Variants in ZNF569 observed in about 807,000 individuals in gnomAD.
ZNF569 encodes zinc finger protein 569.
In ZNF569, 38 loss-of-function variants were observed where a neutral mutation model predicts 56.3. The observed-to-expected ratio is 0.68, with a 90% CI of 0.52 to 0.88. ZNF569 has a LOEUF of 0.88. Among genes scored for constraint, ZNF569 ranks in the 40% least tolerant of loss-of-function variants. The pLI, the probability that ZNF569 is intolerant of heterozygous loss-of-function variation, is 0.00. For missense variants in ZNF569, 666 were observed against 809.2 expected (o/e 0.82, Z 2.15); for synonymous variants, 241 against 262.9 (o/e 0.92, Z 0.81).
In ZNF569 at chr19:37,416,266, CAA is replaced by C. The variant is rs945755043; in HGVS notation, c.239-1849_239-1848del. Among the ~76,000 whole-genome samples, 223 of 111,700 alleles carry C rather than the reference CAA, an allele frequency of 2.0e-3. 1 individual carries two copies. The highest frequency in any genetic ancestry group is 6.0e-3 in the Admixed American group (70 of 11,588). 73.3% of individuals were successfully genotyped at this position (111,700 alleles called of 152,430 possible). A position where few individuals can be genotyped will look rare whatever the true frequency, so the allele number is the denominator to read the frequency against. On this transcript the variant is annotated intron_variant, in intron 5 of 5. Coordinates refer to ENST00000316950, the MANE Select transcript of ZNF569 (RefSeq NM_152484.3). ...ACAAACAAACAAAAAAACAAAAAAA[CAA>C]AAAAAAAAAACAGGAAAAGAAAATG...
intron 2 of ZNF569, among the ~76,000 whole-genome samples, chr19:37,446,699 G>C (rs2041503891): frequency 6.6e-6 from 1 of 152,008 alleles, no homozygotes; most frequent in African/African-American, 2.4e-5. Flanking sequence ...GTAGACATTG[G>C]CTTAGGCAAA....
At chr19:37,468,694 G>T (rs550123855), upstream of ZNF569, among the ~76,000 whole-genome samples, 1 of 152,292 alleles carries the variant, frequency 6.6e-6, no homozygotes, top group South Asian at 2.1e-4. Flanking sequence ...TTTTAGTAGA[G>T]ACGGGGTTTC....
intron 2 of ZNF569, among the ~76,000 whole-genome samples, chr19:37,463,249 CA>C: frequency 6.6e-6 from 1 of 152,260 alleles, no homozygotes; most frequent in Admixed American, 6.5e-5. Context: ...TGCTGCGTAA[CA>C]ATGTTTCAGC....
At chr19:37,453,782 T>G (rs961386625) in intron 2 of ZNF569, among the ~76,000 whole-genome samples, 2 of 152,242 alleles carry the variant, frequency 1.3e-5, no homozygotes, top group Non-Finnish European at 2.9e-5. Context: ...ATACTTTTCT[T>G]CCATCTCTGC....
intron 2 of ZNF569, among the ~76,000 whole-genome samples, chr19:37,458,824 C>T (rs1416037457): frequency 1.3e-5 from 2 of 151,990 alleles, no homozygotes; most frequent in East Asian, 1.9e-4. Context: ...CAGGGAAATG[C>T]GAACTATAAG....
intron 2 of ZNF569, 33 bp from the exon 3 acceptor site, chr19:37,444,997 C>G: frequency 6.4e-7 from 1 of 1,556,544 alleles, no homozygotes; most frequent in Non-Finnish European, 8.7e-7. Context: ...TTAAAATAGG[C>G]CTGTCTTTAG....
chr19:37,425,569 C>T, intron 5 of ZNF569: 1 of 178,712 alleles, frequency 5.6e-6, no homozygotes, highest in Admixed American at 5.9e-5. Flanking sequence ...GATCCGCCCA[C>T]CTCGGCCTCC....
intron 5 of ZNF569, among the ~76,000 whole-genome samples, chr19:37,420,980 G>A (rs914725202): frequency 6.6e-6 from 1 of 152,186 alleles, no homozygotes; most frequent in Non-Finnish European, 1.5e-5. Flanking sequence ...TGATCTCCTT[G>A]TACATCTCCA....
At chr19:37,449,875 C>G (rs367544505) in intron 2 of ZNF569, among the ~76,000 whole-genome samples, 1 of 152,100 alleles carries the variant, frequency 6.6e-6, no homozygotes, top group Non-Finnish European at 1.5e-5. Context: ...AAATTGATTA[C>G]TGATACAGCT....
intron 3 of ZNF569, among the ~76,000 whole-genome samples, chr19:37,428,468 C>A (rs749463164): frequency 6.8e-6 from 1 of 146,718 alleles, no homozygotes; most frequent in Non-Finnish European, 1.5e-5. Flanking sequence ...TGCAGTGAGC[C>A]ATGATCTCAC....
chr19:37,452,371 A>G (rs913523733), intron 2 of ZNF569, among the ~76,000 whole-genome samples: 6 of 152,272 alleles, frequency 3.9e-5, no homozygotes, highest in African/African-American at 1.4e-4. Flanking sequence ...CTGTATTTAC[A>G]TATATATTTA....
chr19:37,455,552 T>C (rs2041658726), intron 2 of ZNF569, among the ~76,000 whole-genome samples: 1 of 152,106 alleles, frequency 6.6e-6, no homozygotes, highest in Non-Finnish European at 1.5e-5. Flanking sequence ...GAATCCACGT[T>C]TTGCCAAAAA....
At chr19:37,443,119 G>A (rs1844855558) in intron 3 of ZNF569, among the ~76,000 whole-genome samples, 1 of 152,164 alleles carries the variant, frequency 6.6e-6, no homozygotes, top group African/African-American at 2.4e-5. Context: ...TTGTGAGGCG[G>A]GCAGATAACC....
rs2040851238 is a variant in ZNF569, at chr19:37,412,290, T to TTAA, written c.*304_*306dup. ...CTTCGTTGATACTTGTTTTCCTTAC[T>TTAA]TAATACATTGGCTAGGAGCTCAAGT... On this transcript the variant is annotated 3_prime_UTR_variant, in exon 6 of 6. Coordinates refer to ENST00000316950, the MANE Select transcript of ZNF569 (RefSeq NM_152484.3). 3.8e-6 allele frequency: 1 copy of TTAA among 263,356 alleles called. No individual in the cohort carries two copies. Among genetic ancestry groups the TTAA allele is most frequent in the African/African-American group, 2.2e-5 (1 of 45,350 alleles). 16.3% of individuals were successfully genotyped at this position (263,356 alleles called of 1,614,324 possible). A position where few individuals can be genotyped will look rare whatever the true frequency, so the allele number is the denominator to read the frequency against.
chr19:37,426,318 C>T lies in ZNF569; in HGVS notation c.76G>A (p.Asp26Asn), dbSNP rs2041132170. The change falls in exon 4 of 6, where the codon GAT becomes AAT. Residue 26 changes from aspartate (D) to asparagine (N), a missense_variant. Physicochemically the swap from Asp to Asn is conservative, Grantham distance 23. Coordinates refer to ENST00000316950, the MANE Select transcript of ZNF569 (RefSeq NM_152484.3). ...CGGTACAGTTTTCTCTGAGCAGGAT[C>T]CAATCTCTTCCACTCCTCCTGAGTG... Reference protein sequence around the residue: ...DFTQEEWKRLDPAQRKLYRNV... With the variant: ...DFTQEEWKRLNPAQRKLYRNV... 1 of 1,613,816 alleles carries T rather than the reference C, an allele frequency of 6.2e-7. No individual in the cohort carries two copies. Among genetic ancestry groups the T allele is most frequent in the African/African-American group, 1.3e-5 (1 of 75,026 alleles).
chr19:37,423,738 C>A (rs184215451), intron 5 of ZNF569, among the ~76,000 whole-genome samples: 1 of 152,238 alleles, frequency 6.6e-6, no homozygotes, highest in East Asian at 1.9e-4. Context: ...AGGATACCAA[C>A]TGTTTATTAA....
intron 5 of ZNF569, among the ~76,000 whole-genome samples, chr19:37,418,718 T>G (rs1600292103): frequency 6.6e-6 from 1 of 152,308 alleles, no homozygotes; most frequent in Non-Finnish European, 1.5e-5. Context: ...TTGCCTGCAC[T>G]GTGCAATGAG....
In ZNF569 at chr19:37,411,844, A is replaced by G. The variant is rs1194451699; in HGVS notation, c.*753T>C. On this transcript the variant is annotated 3_prime_UTR_variant, in exon 6 of 6. Transcript: ENST00000316950. ...TTGGATTTTTGTATGAATGCTCACT[A>G]TCTTACTACTGCTTGATTTATTCAC... 6.6e-6 allele frequency: 1 copy of G among 152,172 alleles called. No individual in the cohort carries two copies. The highest frequency in any genetic ancestry group is 6.5e-5 in the Admixed American group (1 of 15,276). The allele number at this position is 152,172 out of a possible 1,614,324, so 9.4% of individuals were successfully genotyped here.
chr19:37,464,946 C>G (rs2041808355), intron 2 of ZNF569, among the ~76,000 whole-genome samples: 1 of 152,090 alleles, frequency 6.6e-6, no homozygotes, highest in Non-Finnish European at 1.5e-5. Context: ...GAGGAAAAGC[C>G]AAAATTAATA....
Sources: allele counts gnomAD v4.1 joint callset (sites outside exome capture counted in the v4.1 genomes callset), GRCh38; gene constraint gnomAD v4.1.1; transcripts MANE v1.5; gene names NCBI Gene and HGNC (gene_info 2026-07-23, HGNC 2026-07-21).